The following FBXL2 variants were observed in gnomAD, a reference collection of about 807,000 sequenced individuals.
The protein encoded by FBXL2 is F-box and leucine rich repeat protein 2.
FBXL2 carries 38 observed loss-of-function variants against 69.2 expected under a neutral mutation model. That is an observed-to-expected ratio of 0.55 (90% CI 0.42 to 0.72). The LOEUF (loss-of-function observed/expected upper bound fraction) is 0.72. Ranked by LOEUF, FBXL2 falls within the 30% of genes least tolerant of loss-of-function variation. The pLI is 0.00. For missense variants in FBXL2, 354 were observed against 520.3 expected (o/e 0.68, Z 3.11); for synonymous variants, 192 against 201.3 (o/e 0.95, Z 0.39).
chr3:33,414,249 AAAGG>A, the FBXL2 span: 89 of 152,200 alleles, frequency 5.8e-4, no homozygotes, highest in African/African-American at 2.1e-3. Flanking sequence ...AAAGGAATGA[AAAGG>A]AAGGGAGGAA....
chr3:33,383,299 T>G (rs1211751470), intron 13 of FBXL2: 1 of 152,514 alleles, frequency 6.6e-6, no homozygotes, highest in Non-Finnish European at 1.5e-5. Context: ...GTGGGGTGAA[T>G]CTTACATTTG....
At chr3:33,406,667 G>A (rs766983124), downstream of FBXL2, among the ~76,000 whole-genome samples, 10 of 152,162 alleles carry the variant, frequency 6.6e-5, no homozygotes, top group South Asian at 2.1e-4. Flanking sequence ...TCTAACATTC[G>A]AAAAGCAAGC....
In FBXL2 at chr3:33,359,277, T is replaced by G. The variant is rs747588179; in HGVS notation, c.121-6T>G. The G allele has an allele frequency of 6.2e-6, 10 of 1,609,172 alleles. No individual in the cohort carries two copies. Among genetic ancestry groups the G allele is most frequent in the South Asian group, 1.1e-5 (1 of 90,380 alleles). ...AATCCCTCTTCCTTTACCTCCCACCTTCCAGGCTTGGAACATCTTAGCCCT... is the reference window on the plus strand; with the variant it reads ...AATCCCTCTTCCTTTACCTCCCACCGTCCAGGCTTGGAACATCTTAGCCCT... On this transcript the variant is annotated splice_region_variant and splice_polypyrimidine_tract_variant and intron_variant, in intron 3 of 14. Coordinates refer to ENST00000484457, the MANE Select transcript of FBXL2 (RefSeq NM_012157.5).
chr3:33,381,631 A>C (rs1240015776), intron 13 of FBXL2, among the ~76,000 whole-genome samples: 1 of 145,222 alleles, frequency 6.9e-6, no homozygotes, highest in Non-Finnish European at 1.5e-5. Flanking sequence ...TCTCAAAAAA[A>C]AATAAATAAA....
chr3:33,353,676 G>A (rs2040989979), intron 2 of FBXL2, among the ~76,000 whole-genome samples: 1 of 152,176 alleles, frequency 6.6e-6, no homozygotes, highest in East Asian at 1.9e-4. Flanking sequence ...ATTGCTTAAG[G>A]CCAGGAGTTC....
intron 2 of FBXL2, among the ~76,000 whole-genome samples, chr3:33,308,084 C>G (rs1340751325): frequency 6.6e-6 from 1 of 151,986 alleles, no homozygotes; most frequent in African/African-American, 2.4e-5. Context: ...CTGTGTTATC[C>G]ATGCTGGCCT....
intron 5 of FBXL2, among the ~76,000 whole-genome samples, chr3:33,370,417 CAAA>C (rs35020611): frequency 7.7e-6 from 1 of 129,138 alleles, no homozygotes. Context: ...GACTCCGTCT[CAAA>C]AAAAAAAAAA....
At chr3:33,352,271 G>A (rs1380258977) in intron 2 of FBXL2, among the ~76,000 whole-genome samples, 1 of 152,118 alleles carries the variant, frequency 6.6e-6, no homozygotes, top group African/African-American at 2.4e-5. Context: ...TTGGACATCT[G>A]TATTTAAAAA....
chr3:33,318,426 A>G (rs2037899716), intron 2 of FBXL2, among the ~76,000 whole-genome samples: 1 of 152,142 alleles, frequency 6.6e-6, no homozygotes, highest in Non-Finnish European at 1.5e-5. Flanking sequence ...TAATGCCTTG[A>G]TAAATATAGG....
chr3:33,316,703 T>A (rs1424400480), intron 2 of FBXL2, among the ~76,000 whole-genome samples: 2 of 152,166 alleles, frequency 1.3e-5, no homozygotes, highest in African/African-American at 2.4e-5. Context: ...TTGGCCCTCA[T>A]CCACCTGTAT....
chr3:33,294,798 A>G (rs1324394594), intron 1 of FBXL2, among the ~76,000 whole-genome samples: 1 of 151,534 alleles, frequency 6.6e-6, no homozygotes, highest in Non-Finnish European at 1.5e-5. Context: ...AGCTGTGATC[A>G]TGCCACTGTA....
At chr3:33,399,471 C>T (rs555275973) in intron 12 of FBXL2, among the ~76,000 whole-genome samples, 1 of 152,242 alleles carries the variant, frequency 6.6e-6, no homozygotes, top group South Asian at 2.1e-4. Flanking sequence ...TGAAACACTA[C>T]TTAGCAGTAA....
chr3:33,358,883 C>T (rs145157822), intron 2 of FBXL2, 84 bp from the exon 3 acceptor site: 16 of 770,282 alleles, frequency 2.1e-5, no homozygotes, highest in East Asian at 8.5e-5. Flanking sequence ...ATCCAGGTGG[C>T]GGATTAGAGT....
the FBXL2 span, among the ~76,000 whole-genome samples, chr3:33,417,188 GT>G: frequency 3.9e-5 from 6 of 152,064 alleles, no homozygotes; most frequent in Non-Finnish European, 8.8e-5. Context: ...TAAATCATTG[GT>G]TTTCAGTATA....
chr3:33,356,983 A>C (rs2041247346), intron 2 of FBXL2, among the ~76,000 whole-genome samples: 1 of 152,106 alleles, frequency 6.6e-6, no homozygotes, highest in Non-Finnish European at 1.5e-5. Flanking sequence ...GTGCTCTTGA[A>C]CCAGACTACC....
the FBXL2 span, among the ~76,000 whole-genome samples, chr3:33,421,505 C>T: frequency 2.0e-5 from 3 of 152,020 alleles, no homozygotes; most frequent in South Asian, 2.1e-4. Context: ...CTTAACCTCA[C>T]GTGATCTGCC....
In FBXL2 at chr3:33,282,754, T is replaced by G. The variant is rs1366981113; in HGVS notation, c.3+5239T>G. Among the ~76,000 whole-genome samples, 3 of 152,272 alleles carry G rather than the reference T, an allele frequency of 2.0e-5. No individual in the cohort carries two copies. The East Asian group carries it at 5.8e-4, about 29-fold the overall frequency. The stretch of plus-strand genomic sequence containing the variant: ...GTGGTTTATAGTTCTCCTTTAAGAG[T>G]TCCTTCACATCCCTTGTAAGTTGGA... On this transcript the variant is annotated intron_variant, in intron 1 of 14. Transcript: ENST00000484457.
At chr3:33,322,592 A>G (rs1345939555) in intron 2 of FBXL2, among the ~76,000 whole-genome samples, 1 of 152,214 alleles carries the variant, frequency 6.6e-6, no homozygotes, top group African/African-American at 2.4e-5. Context: ...TATAAAGTTC[A>G]AAATCAAGCA....
chr3:33,351,154 T>C (rs1170654685), intron 2 of FBXL2, among the ~76,000 whole-genome samples: 1 of 151,994 alleles, frequency 6.6e-6, no homozygotes, highest in Non-Finnish European at 1.5e-5. Context: ...TAATCCCAGC[T>C]ACTCAGGAGG....
Sources: gnomAD v4.1 joint callset for allele counts (sites outside exome capture counted in the v4.1 genomes callset) on GRCh38, gnomAD v4.1.1 for gene constraint, MANE v1.5 for transcripts, NCBI Gene and HGNC (gene_info 2026-07-23, HGNC 2026-07-21) for gene names.